GRID2: variants seen among roughly 807,000 people sequenced by gnomAD.
The protein encoded by GRID2 is glutamate receptor ionotropic, delta-2.
A neutral mutation model predicts 114.8 loss-of-function variants in GRID2; 33 were observed. That is an observed-to-expected ratio of 0.29 (90% CI 0.22 to 0.38). GRID2 has a LOEUF of 0.38. Among genes scored for constraint, GRID2 ranks in the 10% least tolerant of loss-of-function variants. GRID2 has a pLI of 1.00. For synonymous variants in GRID2, 505 were observed against 449.9 expected, an observed-to-expected ratio of 1.12 and a Z score of -1.55; for missense variants, 1,184 against 1,257.7, an observed-to-expected ratio of 0.94 and a Z score of 0.89.
At chr4:93,243,656 T>C (rs1000928057) in intron 8 of GRID2, among the ~76,000 whole-genome samples, 3 of 152,104 alleles carry the variant, frequency 2.0e-5, no homozygotes, top group Non-Finnish European at 4.4e-5. Context: ...TAGTCTTTGC[T>C]CTCTTGGCAT....
intron 13 of GRID2, among the ~76,000 whole-genome samples, chr4:93,598,246 A>G (rs1739309066): frequency 1.3e-5 from 2 of 152,210 alleles, no homozygotes; most frequent in African/African-American, 2.4e-5. Flanking sequence ...TTATTGTTAT[A>G]GCTTCCATTC....
At chr4:92,641,609 C>T (rs960491785) in intron 2 of GRID2, among the ~76,000 whole-genome samples, 4 of 151,718 alleles carry the variant, frequency 2.6e-5, no homozygotes, top group Non-Finnish European at 5.9e-5. Flanking sequence ...AAATGTACAA[C>T]ATGATGACGT....
At chr4:93,520,784 A>G (rs929599995) in intron 13 of GRID2, among the ~76,000 whole-genome samples, 3 of 152,188 alleles carry the variant, frequency 2.0e-5, no homozygotes, top group African/African-American at 7.2e-5. Flanking sequence ...AGGGTTGACA[A>G]TCACTGATAT....
At chr4:92,648,386 G>T (rs1731750962) in intron 2 of GRID2, among the ~76,000 whole-genome samples, 1 of 149,458 alleles carries the variant, frequency 6.7e-6, no homozygotes, top group African/African-American at 2.5e-5. Context: ...TTATGTAAAA[G>T]TAGTTACATT....
chr4:93,592,433 A>C (rs1738468618), intron 13 of GRID2, among the ~76,000 whole-genome samples: 1 of 151,836 alleles, frequency 6.6e-6, no homozygotes, highest in South Asian at 2.1e-4. Context: ...AGTTTGTTAT[A>C]ATTTCTGTTC....
At chr4:92,477,874 C>T (rs1426088903) in intron 1 of GRID2, among the ~76,000 whole-genome samples, 1 of 148,314 alleles carries the variant, frequency 6.7e-6, no homozygotes, top group Non-Finnish European at 1.5e-5. Context: ...ATCACACACA[C>T]ACATAGAGAT....
intron 14 of GRID2, among the ~76,000 whole-genome samples, chr4:93,655,111 G>A (rs758508701): frequency 1.3e-5 from 2 of 152,040 alleles, no homozygotes; most frequent in Non-Finnish European, 2.9e-5. Flanking sequence ...AAATCCACTT[G>A]GGAATCAGGG....
intron 12 of GRID2, among the ~76,000 whole-genome samples, chr4:93,503,461 G>T (rs1728327165): frequency 6.6e-6 from 1 of 151,154 alleles, no homozygotes; most frequent in South Asian, 2.1e-4. Flanking sequence ...GTCACCTAAT[G>T]CTATCCCTCT....
At chr4:93,662,233 T>A in intron 14 of GRID2, among the ~76,000 whole-genome samples, 1 of 152,256 alleles carries the variant, frequency 6.6e-6, no homozygotes, top group South Asian at 2.1e-4. Context: ...ACCAACCTAC[T>A]TAAAGGCACA....
intron 1 of GRID2, among the ~76,000 whole-genome samples, chr4:93,802,387 T>C (rs1734949941): frequency 6.6e-6 from 1 of 151,828 alleles, no homozygotes; most frequent in South Asian, 2.1e-4. Context: ...TGAGTGTGTG[T>C]GTGTGTGAGT....
chr4:93,131,531 A>G lies in GRID2; in HGVS notation c.735+20578A>G, dbSNP rs552072030. On this transcript the variant is annotated intron_variant, in intron 4 of 15. Transcript: ENST00000282020. The stretch of plus-strand genomic sequence containing the variant: ...AGGAGGTTAAAATAACTAGTAAATT[A>G]TATTTATTTATTTGTAATATTGTTG... Among the ~76,000 whole-genome samples the G allele has an allele frequency of 4.6e-5, 7 of 151,920 alleles. No homozygotes were observed. The South Asian group carries it at 1.2e-3, about 27-fold the overall frequency.
chr4:93,781,259 C>G (rs942716252), intron 1 of GRID2, among the ~76,000 whole-genome samples: 3 of 152,100 alleles, frequency 2.0e-5, no homozygotes, highest in Non-Finnish European at 4.4e-5. Context: ...CATCTAGAGT[C>G]CATAATTTTT....
intron 2 of GRID2, chr4:92,884,904 T>A: frequency 2.7e-6 from 1 of 376,590 alleles, no homozygotes; most frequent in Non-Finnish European, 5.4e-6. Flanking sequence ...ACTATCAATG[T>A]AGATGATAAG....
chr4:93,260,510 T>C (rs544848992), intron 8 of GRID2, among the ~76,000 whole-genome samples: 4 of 151,748 alleles, frequency 2.6e-5, no homozygotes, highest in African/African-American at 9.6e-5. Flanking sequence ...ATTAAAACAA[T>C]TTAAGTTAAT....
At chr4:93,540,674 C>T (rs1202112724) in intron 13 of GRID2, among the ~76,000 whole-genome samples, 1 of 152,134 alleles carries the variant, frequency 6.6e-6, no homozygotes, top group Non-Finnish European at 1.5e-5. Flanking sequence ...TAGGCTGAGG[C>T]TTAGACCAAA....
intron 1 of GRID2, among the ~76,000 whole-genome samples, chr4:92,466,101 A>G (rs1327310795): frequency 6.6e-6 from 1 of 151,814 alleles, no homozygotes; most frequent in Admixed American, 6.6e-5. Flanking sequence ...CAGTTTTTGC[A>G]ATTACTTTTA....
At chr4:93,224,075 T>C in intron 6 of GRID2, among the ~76,000 whole-genome samples, 1 of 152,276 alleles carries the variant, frequency 6.6e-6, no homozygotes, top group East Asian at 1.9e-4. Context: ...ATAATACATA[T>C]AAAAGATTGT....
At chr4:93,409,950 G>A (rs563153105) in intron 9 of GRID2, among the ~76,000 whole-genome samples, 1 of 152,244 alleles carries the variant, frequency 6.6e-6, no homozygotes, top group South Asian at 2.1e-4. Flanking sequence ...GAGAGAGATC[G>A]ACAGAGTCAT....
At chr4:93,184,140 G>C (rs111283407) in intron 4 of GRID2, among the ~76,000 whole-genome samples, 3 of 152,230 alleles carry the variant, frequency 2.0e-5, no homozygotes, top group African/African-American at 7.2e-5. Flanking sequence ...ATGTATTCCA[G>C]ATGGGAAAAA....
Sources: gnomAD v4.1 joint callset for allele counts (sites outside exome capture counted in the v4.1 genomes callset) on GRCh38, gnomAD v4.1.1 for gene constraint, MANE v1.5 for transcripts, NCBI Gene and HGNC (gene_info 2026-07-23, HGNC 2026-07-21) for gene names.